RXFP2: variants seen among roughly 807,000 people sequenced by gnomAD.
RXFP2 encodes relaxin receptor 2.
RXFP2 carries 68 observed loss-of-function variants against 88.6 expected under a neutral mutation model. The ratio of observed to expected loss-of-function variants is 0.77; its 90% confidence interval spans 0.63 to 0.94. The LOEUF is 0.94. Ranked by LOEUF, RXFP2 falls within the 40% of genes least tolerant of loss-of-function variation. The pLI is 0.00. For synonymous variants in RXFP2, 329 were observed against 306.8 expected, an observed-to-expected ratio of 1.07 and a Z score of -0.76; for missense variants, 791 against 893.9, an observed-to-expected ratio of 0.88 and a Z score of 1.47.
At chr13:31,741,617 T>A (rs2138376563) in intron 1 of RXFP2, among the ~76,000 whole-genome samples, 1 of 152,282 alleles carries the variant, frequency 6.6e-6, no homozygotes, top group South Asian at 2.1e-4. Context: ...TTAGAAATTA[T>A]GTGATCGTCT....
intron 2 of RXFP2, among the ~76,000 whole-genome samples, chr13:31,758,977 G>A (rs1464811544): frequency 6.6e-6 from 1 of 152,040 alleles, no homozygotes; most frequent in Non-Finnish European, 1.5e-5. Flanking sequence ...GAACCCGGGA[G>A]GCAAGGTTGC....
At chr13:31,783,821 T>C (rs1873397679) in intron 11 of RXFP2, among the ~76,000 whole-genome samples, 1 of 151,818 alleles carries the variant, frequency 6.6e-6, no homozygotes. Context: ...TGTTTTGTTT[T>C]GTTTTGTTTT....
At chr13:31,774,299 C>T (rs1279160022) in intron 5 of RXFP2, among the ~76,000 whole-genome samples, 1 of 152,192 alleles carries the variant, frequency 6.6e-6, no homozygotes, top group Non-Finnish European at 1.5e-5. Flanking sequence ...CTCACATGGC[C>T]AGAAACTCCT....
intron 1 of RXFP2, among the ~76,000 whole-genome samples, chr13:31,754,712 G>A (rs1871850204): frequency 6.6e-6 from 1 of 152,122 alleles, no homozygotes; most frequent in African/African-American, 2.4e-5. Context: ...AGATTGTAAG[G>A]ACATTTTCCT....
chr13:31,742,645 T>C (rs1254635684), intron 1 of RXFP2, among the ~76,000 whole-genome samples: 1 of 152,202 alleles, frequency 6.6e-6, no homozygotes, highest in Non-Finnish European at 1.5e-5. Context: ...TGACCAGATG[T>C]AATCAAAGAG....
intron 1 of RXFP2, among the ~76,000 whole-genome samples, chr13:31,750,316 A>T (rs1314182314): frequency 1.3e-5 from 2 of 152,034 alleles, no homozygotes; most frequent in Non-Finnish European, 2.9e-5. Flanking sequence ...ATAAAGCCAA[A>T]TGTATTCCTT....
intron 11 of RXFP2, among the ~76,000 whole-genome samples, chr13:31,786,180 C>T (rs963471329): frequency 7.2e-5 from 11 of 152,234 alleles, no homozygotes; most frequent in South Asian, 6.2e-4. Flanking sequence ...AGGAACTGGA[C>T]GAGCAAAGTG....
chr13:31,746,415 G>T (rs895946514), intron 1 of RXFP2, among the ~76,000 whole-genome samples: 4 of 152,162 alleles, frequency 2.6e-5, no homozygotes, highest in Non-Finnish European at 4.4e-5. Flanking sequence ...TTTGGTAAGG[G>T]AATAGCTGAA....
At chr13:31,776,097 T>TTTC (rs1566227779) in intron 7 of RXFP2, among the ~76,000 whole-genome samples, 1 of 112,906 alleles carries the variant, frequency 8.9e-6, no homozygotes, top group African/African-American at 3.8e-5. Context: ...TCTTTCTTTC[T>TTTC]TTTCTTTTCT....
At chr13:31,742,101 TTTC>T (rs1441108637) in intron 1 of RXFP2, among the ~76,000 whole-genome samples, 1 of 152,056 alleles carries the variant, frequency 6.6e-6, no homozygotes, top group Non-Finnish European at 1.5e-5. Flanking sequence ...TTAAAAAACA[TTTC>T]TTAATGGACA....
In RXFP2 at chr13:31,794,485, G is replaced by A. The variant is rs566241475; in HGVS notation, c.1786+1397G>A. Among the ~76,000 whole-genome samples the A allele has an allele frequency of 1.3e-4, 19 of 151,780 alleles. No homozygotes were observed. In the South Asian group the frequency reaches 3.1e-3, roughly 25 times the overall value. ...GTGCACTATATACTATATTAGGTAC[G>A]GGAGAAACAACAGATCCAGCCTCAA... On this transcript the variant is annotated intron_variant, in intron 16 of 17. Transcript: ENST00000298386.
chr13:31,802,469 T>C lies in RXFP2; in HGVS notation c.*64T>C. On this transcript the variant is annotated 3_prime_UTR_variant, in exon 18 of 18. Transcript: ENST00000298386. ...AAAACAGGGGACAGCTTTTGGAAGA[T>C]GACATCTGCAATGCTTTTCATCTTT... The C allele has an allele frequency of 3.3e-6, 5 of 1,531,790 alleles. No homozygotes were observed. The South Asian group carries it at 4.5e-5, about 14-fold the overall frequency. 94.9% of individuals were successfully genotyped at this position (1,531,790 alleles called of 1,614,324 possible).
chr13:31,761,154 A>G (rs1051454859), intron 2 of RXFP2, among the ~76,000 whole-genome samples: 3 of 151,978 alleles, frequency 2.0e-5, no homozygotes, highest in Admixed American at 6.6e-5. Flanking sequence ...GGGTCTCCCT[A>G]TGTTTCCCAA....
At position 31,782,661 on chromosome 13, in the gene RXFP2, C is replaced by T. The variant is rs200587253; in HGVS notation, c.858-15C>T. ...AGACGCAAACCCACATGCTGATTCTCGCCATGTCTTACAGGTTTCTGCCTA... is the reference window on the plus strand; with the variant it reads ...AGACGCAAACCCACATGCTGATTCTTGCCATGTCTTACAGGTTTCTGCCTA... On this transcript the variant is annotated splice_polypyrimidine_tract_variant and intron_variant, in intron 10 of 17. Transcript: ENST00000298386. 106 of 1,598,884 alleles carry T rather than the reference C, an allele frequency of 6.6e-5. 2 individuals are homozygous for T. In the Admixed American group the frequency reaches 1.2e-3, roughly 19 times the overall value.
intron 17 of RXFP2, among the ~76,000 whole-genome samples, chr13:31,800,178 A>T (rs1593475979): frequency 6.6e-6 from 1 of 152,094 alleles, no homozygotes; most frequent in African/African-American, 2.4e-5. Flanking sequence ...GACCTAAACC[A>T]ACCCTGTCCC....
chr13:31,769,339 C>T (rs928360372), intron 5 of RXFP2, among the ~76,000 whole-genome samples: 6 of 152,060 alleles, frequency 3.9e-5, no homozygotes, highest in African/African-American at 1.4e-4. Flanking sequence ...TAAATTTACC[C>T]CCAAGAGACT....
chr13:31,781,075 C>G (rs972853396), intron 9 of RXFP2, among the ~76,000 whole-genome samples: 1 of 152,148 alleles, frequency 6.6e-6, no homozygotes, highest in African/African-American at 2.4e-5. Flanking sequence ...TCAGTATGTG[C>G]AGGATAACTT....
chr13:31,786,064 G>T (rs969228939), intron 11 of RXFP2, among the ~76,000 whole-genome samples: 1 of 152,234 alleles, frequency 6.6e-6, no homozygotes, highest in Non-Finnish European at 1.5e-5. Context: ...GAAGCATGAA[G>T]AGTAGAAGTG....
chr13:31,763,602 T>G (rs530990446), intron 3 of RXFP2, among the ~76,000 whole-genome samples: 1 of 150,872 alleles, frequency 6.6e-6, no homozygotes, highest in East Asian at 2.0e-4. Context: ...CCCCAGAAAA[T>G]GCCATTGAGA....
Sources: gnomAD v4.1 joint callset for allele counts (sites outside exome capture counted in the v4.1 genomes callset) on GRCh38, gnomAD v4.1.1 for gene constraint, MANE v1.5 for transcripts, NCBI Gene and HGNC (gene_info 2026-07-23, HGNC 2026-07-21) for gene names.